Variants in PPM1H observed in about 807,000 individuals in gnomAD.
PPM1H encodes the protein protein phosphatase, Mg2+/Mn2+ dependent 1H, also known as protein phosphatase 1H.
Under a neutral mutation model 54.9 loss-of-function variants are expected in PPM1H, and 27 were observed. The ratio of observed to expected loss-of-function variants is 0.49; its 90% CI spans 0.36 to 0.68. The LOEUF (loss-of-function observed/expected upper bound fraction) is 0.68. Ranked by LOEUF, PPM1H falls within the 30% of genes least tolerant of loss-of-function variation. The pLI is 0.00. For missense variants in PPM1H, 596 were observed against 667.8 expected (o/e 0.89, Z 1.19); for synonymous variants, 305 against 270.8 (o/e 1.13, Z -1.24).
intron 9 of PPM1H, among the ~76,000 whole-genome samples, chr12:62,655,181 T>C (rs1207633815): frequency 3.3e-5 from 5 of 152,146 alleles, no homozygotes; most frequent in Non-Finnish European, 5.9e-5. Flanking sequence ...ATAGATTCAT[T>C]AACTCAACAC....
chr12:62,837,470 T>C (rs1868536112), intron 1 of PPM1H, among the ~76,000 whole-genome samples: 1 of 152,212 alleles, frequency 6.6e-6, no homozygotes, highest in Admixed American at 6.5e-5. Flanking sequence ...ACTTCACAGG[T>C]GGCAAAGTCA....
At chr12:62,769,209 C>T (rs1565783217) in intron 4 of PPM1H, among the ~76,000 whole-genome samples, 2 of 152,208 alleles carry the variant, frequency 1.3e-5, no homozygotes, top group Admixed American at 1.3e-4. Flanking sequence ...TAGTCTAGCT[C>T]TTCCTGCTGT....
intron 1 of PPM1H, among the ~76,000 whole-genome samples, chr12:62,857,124 T>C (rs1234633795): frequency 6.6e-6 from 1 of 152,170 alleles, no homozygotes; most frequent in African/African-American, 2.4e-5. Flanking sequence ...CAGATTTCAG[T>C]GTGTGCGTGT....
intron 6 of PPM1H, among the ~76,000 whole-genome samples, chr12:62,694,855 C>T (rs1354491232): frequency 1.3e-5 from 2 of 152,194 alleles, no homozygotes; most frequent in Admixed American, 1.3e-4. Flanking sequence ...CACTTAGTGG[C>T]AGTTATTACT....
At chr12:62,749,368 C>G (rs567994935) in intron 4 of PPM1H, among the ~76,000 whole-genome samples, 5 of 152,274 alleles carry the variant, frequency 3.3e-5, no homozygotes, top group East Asian at 3.9e-4. Context: ...TTCGGAAAAC[C>G]CTTTTTGACA....
rs1026658318 is a variant in PPM1H at position 62,650,058 on chromosome 12, G to A, written c.1398-1422C>T. Among the ~76,000 whole-genome samples the A allele has an allele frequency of 2.0e-5, 3 of 152,130 alleles. No individual in the cohort carries two copies. In the East Asian group the frequency reaches 5.8e-4, roughly 29 times the overall value. On this transcript the variant is annotated intron_variant, in intron 9 of 9. Coordinates refer to ENST00000228705, the MANE Select transcript of PPM1H (RefSeq NM_020700.2). ...TCTCGCCTTCAGAGCTGTGAGTTAT[G>A]GAATTCAGAACCCCAGAAGCCTCTC... is the stretch of plus-strand genomic sequence containing the variant.
chr12:62,832,593 G>A (rs1868384879), intron 1 of PPM1H, among the ~76,000 whole-genome samples: 1 of 152,130 alleles, frequency 6.6e-6, no homozygotes, highest in Admixed American at 6.5e-5. Context: ...ACTCTTTCAG[G>A]TTAAGGAACC....
intron 1 of PPM1H, among the ~76,000 whole-genome samples, chr12:62,930,636 T>C (rs1484410020): frequency 6.6e-6 from 1 of 151,534 alleles, no homozygotes. Flanking sequence ...CCCAACCCAT[T>C]ATAAAAATGA....
intron 4 of PPM1H, among the ~76,000 whole-genome samples, chr12:62,752,013 T>G (rs1347787147): frequency 2.0e-5 from 3 of 152,156 alleles, no homozygotes; most frequent in Non-Finnish European, 4.4e-5. Flanking sequence ...GAAGCCCATC[T>G]CTCATTCGTT....
intron 9 of PPM1H, among the ~76,000 whole-genome samples, chr12:62,662,106 C>A (rs374280339): frequency 2.6e-5 from 4 of 152,186 alleles, no homozygotes; most frequent in African/African-American, 9.7e-5. Flanking sequence ...CTGCTCTGAC[C>A]TGGCATGTGC....
At chr12:62,839,179 T>C (rs1270737859) in intron 1 of PPM1H, among the ~76,000 whole-genome samples, 9 of 152,074 alleles carry the variant, frequency 5.9e-5, no homozygotes, top group Non-Finnish European at 1.0e-4. Flanking sequence ...GGAAGCCACA[T>C]GTAAAGGCAG....
intron 9 of PPM1H, among the ~76,000 whole-genome samples, chr12:62,652,610 C>G (rs1348858732): frequency 6.6e-6 from 1 of 152,068 alleles, no homozygotes; most frequent in Non-Finnish European, 1.5e-5. Context: ...CTTTAATATT[C>G]CCCTCCCCCA....
chr12:62,906,645 A>C (rs752473476), intron 1 of PPM1H, among the ~76,000 whole-genome samples: 67 of 152,216 alleles, frequency 4.4e-4, no homozygotes, highest in Admixed American at 2.6e-3. Context: ...TCTCCACATA[A>C]AAGACTATTC....
At chr12:62,755,612 T>C (rs1321095603) in intron 4 of PPM1H, 2 of 654,088 alleles carry the variant, frequency 3.1e-6, no homozygotes, top group Non-Finnish European at 5.5e-6. Flanking sequence ...GACACCCCCA[T>C]GTCTGTGATG....
chr12:62,788,390 G>T (rs2076685564), intron 3 of PPM1H, 52 bp from the exon 4 acceptor site: 1 of 1,167,358 alleles, frequency 8.6e-7, no homozygotes, highest in Non-Finnish European at 1.2e-6. Context: ...TGTAGCAAAA[G>T]CTTTCTCACT....
intron 4 of PPM1H, among the ~76,000 whole-genome samples, chr12:62,779,842 A>G (rs1020370686): frequency 6.6e-6 from 1 of 152,228 alleles, no homozygotes; most frequent in East Asian, 1.9e-4. Context: ...TTTTACATCA[A>G]CAAAAGTTAT....
chr12:62,656,738 C>G (rs745437288), intron 9 of PPM1H, among the ~76,000 whole-genome samples: 1 of 152,050 alleles, frequency 6.6e-6, no homozygotes, highest in Non-Finnish European at 1.5e-5. Context: ...GTGAGGGGAA[C>G]AGGAGGAGGA....
chr12:62,756,104 A>T, intron 4 of PPM1H: 1 of 921,272 alleles, frequency 1.1e-6, no homozygotes, highest in Non-Finnish European at 1.8e-6. Context: ...TCCACTCTTC[A>T]ACCTTTGATG....
intron 4 of PPM1H, 141 bp from the exon 5 acceptor site, chr12:62,737,727 C>A: frequency 1.8e-6 from 1 of 561,418 alleles, no homozygotes; most frequent in South Asian, 2.3e-5. Context: ...TTCACTGTTC[C>A]CAGCTCTGAA....
Sources: allele counts gnomAD v4.1 joint callset (sites outside exome capture counted in the v4.1 genomes callset), GRCh38; gene constraint gnomAD v4.1.1; transcripts MANE v1.5; gene names NCBI Gene and HGNC (gene_info 2026-07-23, HGNC 2026-07-21).